Variants in ALPK1 observed in about 807,000 individuals in gnomAD.
ALPK1 encodes alpha kinase 1.
Under a neutral mutation model 120.6 loss-of-function variants are expected in ALPK1, and 110 were observed. The observed-to-expected ratio is 0.91, with a 90% CI of 0.78 to 1.07. The LOEUF is 1.07. ALPK1 is among the 50% of genes least tolerant of loss of function. ALPK1 has a pLI of 0.00. For missense variants in ALPK1, 1,498 were observed against 1,483.9 expected (o/e 1.01, Z -0.16); for synonymous variants, 582 against 560.3 (o/e 1.04, Z -0.55).
At chr4:112,299,140 T>C (rs928900946) in intron 1 of ALPK1, among the ~76,000 whole-genome samples, 3 of 151,218 alleles carry the variant, frequency 2.0e-5, no homozygotes, top group Non-Finnish European at 4.4e-5. Context: ...CTTTGTTTCT[T>C]GTTATTGATG....
At chr4:112,315,375 CAA>C (rs920257299) in intron 1 of ALPK1, among the ~76,000 whole-genome samples, 1 of 152,152 alleles carries the variant, frequency 6.6e-6, no homozygotes, top group African/African-American at 2.4e-5. Context: ...GGTTTTTCAA[CAA>C]AGTCCTTTTA....
At chr4:112,405,433 C>T (rs534613363) in intron 4 of ALPK1, among the ~76,000 whole-genome samples, 87 of 152,230 alleles carry the variant, frequency 5.7e-4, no homozygotes, top group African/African-American at 2.0e-3. Flanking sequence ...AACAAGATCA[C>T]TCTTTTTATT....
At chr4:112,419,521 AAGG>A (rs1733896161) in intron 5 of ALPK1, among the ~76,000 whole-genome samples, 1 of 152,084 alleles carries the variant, frequency 6.6e-6, no homozygotes, top group Non-Finnish European at 1.5e-5. Context: ...GAAGGGAAAG[AAGG>A]AGGAAAGGAA....
intron 5 of ALPK1, among the ~76,000 whole-genome samples, chr4:112,418,468 AC>A (rs1351009854): frequency 6.6e-6 from 1 of 152,164 alleles, no homozygotes; most frequent in Admixed American, 6.5e-5. Flanking sequence ...TACAGAAGTC[AC>A]CTATGTTGCA....
chr4:112,371,332 G>A (rs1175669976), intron 2 of ALPK1, among the ~76,000 whole-genome samples: 1 of 152,114 alleles, frequency 6.6e-6, no homozygotes, highest in East Asian at 1.9e-4. Flanking sequence ...TAGTTTCCTA[G>A]CACTCTTAAG....
intron 12 of ALPK1, 103 bp downstream of exon 12, chr4:112,435,404 C>A: frequency 9.5e-7 from 1 of 1,050,598 alleles, no homozygotes; most frequent in Non-Finnish European, 1.4e-6. Flanking sequence ...AAAACTTGGC[C>A]AAAATATATT....
Position 112,376,353 on chromosome 4 carries a change from C to A in ALPK1, c.-100-1325C>A, listed in dbSNP as rs563666080. 2.0e-5 allele frequency among the ~76,000 whole-genome samples: 3 copies of A among 152,254 alleles called. No homozygotes were observed. The East Asian group carries it at 5.8e-4, about 29-fold the overall frequency. On this transcript the variant is annotated intron_variant, in intron 2 of 15. Coordinates refer to ENST00000650871, the MANE Select transcript of ALPK1 (RefSeq NM_025144.4). Reference sequence around the variant, plus strand: ...AAATGAAACAAGCCTGTAATAACCCCAAGCTTTGCCTTGGCAGTTCTAGCT... The same window carrying A: ...AAATGAAACAAGCCTGTAATAACCCAAAGCTTTGCCTTGGCAGTTCTAGCT...
Position 112,431,482 on chromosome 4 carries a change from T to C in ALPK1, c.1935T>C (p.Leu645=). The part of the protein sequence containing the change: ...GRAMHSLHSQ[L]HDLSLQEPNN... ...CTATGCATTCATTGCATTCACAGCT[T>C]CATGATCTCTCTCTTCAGGAACCCA... Residue 645 remains leucine, a synonymous_variant, in exon 11 of 16, where the codon CTT becomes CTC. Transcript: ENST00000650871. The C allele has an allele frequency of 2.5e-6, 4 of 1,614,190 alleles. No individual in the cohort carries two copies. The East Asian group carries it at 8.9e-5, about 36-fold the overall frequency.
intron 1 of ALPK1, among the ~76,000 whole-genome samples, chr4:112,305,986 T>C (rs557149991): frequency 6.6e-6 from 1 of 152,232 alleles, no homozygotes; most frequent in South Asian, 2.1e-4. Flanking sequence ...CAAAGGCCTT[T>C]TCTGCATCTA....
In ALPK1 at chr4:112,377,880, G is replaced by T; in HGVS notation, c.103G>T (p.Glu35Ter). Reference protein sequence around the residue: ...APDVSEEDKSEDQRCRALLPS... With the variant: ...APDVSEEDKS ...AGATGTGTCGGAAGAGGACAAGAGC[G>T]AGGACCAGCGCTGCAGAGGTGAGGT... The change falls in exon 3 of 16, where the codon GAG becomes TAG. Residue 35 changes from glutamate (E) to a stop codon, truncating the protein, a stop_gained. Transcript: ENST00000650871. LOFTEE classifies it high-confidence loss of function. 1 of 1,612,772 alleles carries T rather than the reference G, an allele frequency of 6.2e-7. No homozygotes were observed. Among genetic ancestry groups the T allele is most frequent in the South Asian group, 1.1e-5 (1 of 90,882 alleles).
chr4:112,390,542 T>C (rs1377336262), intron 4 of ALPK1, among the ~76,000 whole-genome samples: 1 of 152,220 alleles, frequency 6.6e-6, no homozygotes, highest in Non-Finnish European at 1.5e-5. Context: ...TGTTCACCAT[T>C]ATATCCCTGA....
intron 1 of ALPK1, among the ~76,000 whole-genome samples, chr4:112,306,234 G>A (rs1401794785): frequency 1.3e-5 from 2 of 150,198 alleles, no homozygotes; most frequent in East Asian, 2.0e-4. Flanking sequence ...TCTCTGCCAG[G>A]CTTTGGTATC....
At chr4:112,342,989 T>C (rs566011343) in intron 2 of ALPK1, 2 of 152,752 alleles carry the variant, frequency 1.3e-5, no homozygotes, top group South Asian at 4.1e-4. Flanking sequence ...TGTTAGTTCT[T>C]CTCTCCCCTT....
At chr4:112,435,358 G>A (rs1371113992) in intron 12 of ALPK1, 57 bp downstream of exon 12, 24 of 1,526,704 alleles carry the variant, frequency 1.6e-5, no homozygotes, top group Non-Finnish European at 1.8e-5. Flanking sequence ...TTGCTCTTCT[G>A]TTAAGTAATC....
chr4:112,357,779 A>C lies in ALPK1; in HGVS notation c.-100-19899A>C, dbSNP rs1428416769. The C allele has an allele frequency of 4.7e-6, 5 of 1,060,926 alleles. No individual in the cohort carries two copies. The African/African-American group carries it at 7.8e-5, about 17-fold the overall frequency. 65.7% of individuals were successfully genotyped at this position (1,060,926 alleles called of 1,614,324 possible). A position where few individuals can be genotyped will look rare whatever the true frequency, so the allele number is the denominator to read the frequency against. On this transcript the variant is annotated intron_variant, in intron 2 of 15. Coordinates refer to ENST00000650871, the MANE Select transcript of ALPK1 (RefSeq NM_025144.4). ...GGCAACATCGCCCGCATGGTGCCCTATGGGCTCCTGATCTTCTTCCCTTCA... is the reference window on the plus strand; with the variant it reads ...GGCAACATCGCCCGCATGGTGCCCTCTGGGCTCCTGATCTTCTTCCCTTCA...
intron 2 of ALPK1, among the ~76,000 whole-genome samples, chr4:112,322,909 A>G (rs1728921637): frequency 6.6e-6 from 1 of 152,226 alleles, no homozygotes; most frequent in Non-Finnish European, 1.5e-5. Flanking sequence ...TACAGCAATA[A>G]AGTACTTTGC....
chr4:112,395,969 T>A (rs1210560762), intron 4 of ALPK1, among the ~76,000 whole-genome samples: 1 of 152,192 alleles, frequency 6.6e-6, no homozygotes, highest in Non-Finnish European at 1.5e-5. Context: ...ATCAGAGGAT[T>A]TTTTTTAACA....
chr4:112,394,219 C>CT (rs1300029011), intron 4 of ALPK1, among the ~76,000 whole-genome samples: 1 of 152,232 alleles, frequency 6.6e-6, no homozygotes, highest in African/African-American at 2.4e-5. Flanking sequence ...TGTTGTAGGG[C>CT]TGGGGCAGCT....
Position 112,432,362 on chromosome 4 carries a change from A to G in ALPK1, c.2815A>G (p.Ser939Gly). The G allele has an allele frequency of 6.2e-7, 1 of 1,614,032 alleles. No homozygotes were observed. The highest frequency in any genetic ancestry group is 1.1e-5 in the South Asian group (1 of 91,054). Residue 939 changes from serine (S) to glycine (G), a missense_variant, in exon 11 of 16, where the codon AGT becomes GGT. Transcript: ENST00000650871. Reference protein sequence around the residue: ...VWWLKSPAFSSGSSEGDSPWS... With the variant: ...VWWLKSPAFSGGSSEGDSPWS... ...GTGGCTGAAATCACCTGCATTTTCC[A>G]GTGGTTCTTCTGAGGGGGACAGCCC...
Sources: gnomAD v4.1 joint callset for allele counts (sites outside exome capture counted in the v4.1 genomes callset) on GRCh38, gnomAD v4.1.1 for gene constraint, MANE v1.5 for transcripts, NCBI Gene and HGNC (gene_info 2026-07-23, HGNC 2026-07-21) for gene names.